Variants in MCF2L2 observed in about 807,000 individuals in gnomAD.
MCF2L2 encodes the protein MCF.2 cell line derived transforming sequence-like 2.
MCF2L2 carries 102 observed loss-of-function variants against 150.2 expected under a neutral mutation model. That is an observed-to-expected ratio of 0.68 (90% CI 0.58 to 0.80). The LOEUF is 0.80. MCF2L2 is among the 30% of genes least tolerant of loss of function. The pLI is 0.00. For missense variants in MCF2L2, 1,256 were observed against 1,372.8 expected, an observed-to-expected ratio of 0.91 and a Z score of 1.34; for synonymous variants, 465 against 491.3, an observed-to-expected ratio of 0.95 and a Z score of 0.71.
chr3:183,229,367 A>C (rs2108670194), intron 17 of MCF2L2, among the ~76,000 whole-genome samples: 1 of 152,326 alleles, frequency 6.6e-6, no homozygotes, highest in East Asian at 1.9e-4. Flanking sequence ...CTGGCACAGA[A>C]CAGGTGCTCA....
At chr3:183,272,758 A>G in intron 15 of MCF2L2, 1 of 1,079,936 alleles carries the variant, frequency 9.3e-7, no homozygotes, top group African/African-American at 1.7e-5. Context: ...TGATTGATTA[A>G]TGATGTATTG....
intron 27 of MCF2L2, among the ~76,000 whole-genome samples, chr3:183,182,243 A>T (rs1721551784): frequency 6.6e-6 from 1 of 151,962 alleles, no homozygotes; most frequent in Non-Finnish European, 1.5e-5. Context: ...CCTGTGGGGG[A>T]CTGTCAGCGC....
Position 183,206,182 on chromosome 3 carries a change from C to A in MCF2L2, c.2745G>T (p.Arg915Ser). 3 of 1,614,104 alleles carry A rather than the reference C, an allele frequency of 1.9e-6. No individual in the cohort carries two copies. Among genetic ancestry groups the A allele is most frequent in the Non-Finnish European group, 2.5e-6 (3 of 1,179,998 alleles). Residue 915 changes from arginine to serine, a missense_variant, in exon 24 of 30, where the codon AGG (arginine) becomes AGT (serine). By Grantham distance (110) the Arg-to-Ser change is moderately radical. Transcript: ENST00000328913. ...CAATCTCAAACTTTCTATGGCTCCCCCTTCCAAGCTGGCGAATTGAAAGTG... is the reference window on the plus strand; with the variant it reads ...CAATCTCAAACTTTCTATGGCTCCCACTTCCAAGCTGGCGAATTGAAAGTG... Reference protein sequence around the residue: ...LMTLSIRQLGRGSHRKFEIAS... With the variant: ...LMTLSIRQLGSGSHRKFEIAS...
intron 1 of MCF2L2, among the ~76,000 whole-genome samples, chr3:183,408,479 C>G (rs575429837): frequency 1.3e-5 from 2 of 152,320 alleles, no homozygotes; most frequent in African/African-American, 4.8e-5. Context: ...CTGGTTCTGG[C>G]CCCTAGGGAC....
chr3:183,310,733 G>A (rs1560014904), intron 9 of MCF2L2, 182 bp downstream of exon 9: 6 of 587,984 alleles, frequency 1.0e-5, no homozygotes, highest in Admixed American at 3.0e-5. Flanking sequence ...TTCTAGAACA[G>A]TTTGACTCCA....
At chr3:183,406,769 G>A (rs150215419) in intron 1 of MCF2L2, among the ~76,000 whole-genome samples, 2,809 of 152,232 alleles carry the variant, frequency 0.018, 51 homozygotes, top group Middle Eastern at 0.048. Flanking sequence ...GATTACAGGC[G>A]TGAGCCACCA....
chr3:183,389,256 A>C (rs1714009237), intron 2 of MCF2L2, among the ~76,000 whole-genome samples: 1 of 152,210 alleles, frequency 6.6e-6, no homozygotes, highest in East Asian at 1.9e-4. Context: ...GAAATCCCTT[A>C]AATGAGCTAA....
In MCF2L2 at chr3:183,307,860, A is replaced by G. The variant is rs534025765; in HGVS notation, c.1113+1856T>C. Among the ~76,000 whole-genome samples, 23 of 152,312 alleles carry G rather than the reference A, an allele frequency of 1.5e-4. No homozygotes were observed. In the East Asian group the frequency reaches 4.4e-3, roughly 29 times the overall value. On this transcript the variant is annotated intron_variant, in intron 10 of 29. Coordinates refer to ENST00000328913, the MANE Select transcript of MCF2L2 (RefSeq NM_015078.4). ...CTGTTCACTCATTTCCTCCTGGCCCACCTGCTCTAGCAATGTTCCTTGAAC... is the reference window on the plus strand; with the variant it reads ...CTGTTCACTCATTTCCTCCTGGCCCGCCTGCTCTAGCAATGTTCCTTGAAC...
chr3:183,223,010 A>C (rs1368722131), intron 20 of MCF2L2, among the ~76,000 whole-genome samples: 1 of 152,168 alleles, frequency 6.6e-6, no homozygotes, highest in Non-Finnish European at 1.5e-5. Flanking sequence ...TCCCTTCCAC[A>C]AGTTAAAATG....
chr3:183,377,176 A>G (rs1463940247), intron 3 of MCF2L2: 2 of 152,080 alleles, frequency 1.3e-5, no homozygotes, highest in African/African-American at 4.8e-5. Context: ...ATTTGTCCTA[A>G]TGCTCTCCTT....
Position 183,295,413 on chromosome 3 carries a change from A to G in MCF2L2, c.1562T>C (p.Val521Ala). Residue 521 changes from valine (V) to alanine (A), a missense_variant, in exon 13 of 30, where the codon GTG becomes GCG. Physicochemically the swap from Val to Ala is moderately conservative, Grantham distance 64. Transcript: ENST00000328913. ...TTTGGCTGCCAGTTTCATCAGACTC[A>G]CTTGCCTCTTGTGAAATATTTCCTG... ...DVQEIFHKRQ[V>A]SLMKLAAKQT... 1.2e-6 allele frequency: 2 copies of G among 1,614,112 alleles called. No homozygotes were observed. Among genetic ancestry groups the G allele is most frequent in the Non-Finnish European group, 1.7e-6 (2 of 1,179,994 alleles).
chr3:183,420,549 A>T (rs116641357), intron 1 of MCF2L2, among the ~76,000 whole-genome samples: 2,486 of 152,290 alleles, frequency 0.016, 62 homozygotes, highest in African/African-American at 0.057. Context: ...CAGTGTGCTG[A>T]AATTGCGCCA....
intron 7 of MCF2L2, among the ~76,000 whole-genome samples, chr3:183,317,722 C>G (rs905011836): frequency 6.6e-6 from 1 of 152,152 alleles, no homozygotes; most frequent in Non-Finnish European, 1.5e-5. Context: ...TGAGCAGGAT[C>G]ACGAGAGGGC....
chr3:183,261,556 T>G (rs1264127657), intron 15 of MCF2L2, among the ~76,000 whole-genome samples: 2 of 152,190 alleles, frequency 1.3e-5, no homozygotes, highest in Non-Finnish European at 1.5e-5. Flanking sequence ...ATAGTCTACT[T>G]TCTAAGCATA....
Position 183,276,949 on chromosome 3 carries a change from T to G in MCF2L2, c.1785A>C (p.Glu595Asp). ...CCCTTTCATGATGGCTTTCAAAGAT[T>G]TCTTCACTCTGAAGTGAAAGAAATT... ...DETKFEVKSEEIFESHHERGN... is the reference protein window; with the variant it reads ...DETKFEVKSEDIFESHHERGN... Residue 595 changes from glutamate to aspartate, a missense_variant, in exon 15 of 30, where the codon GAA becomes GAC. Transcript: ENST00000328913. The G allele has an allele frequency of 1.9e-6, 3 of 1,605,546 alleles. No individual in the cohort carries two copies. The highest frequency in any genetic ancestry group is 2.6e-6 in the Non-Finnish European group (3 of 1,175,074).
At chr3:183,255,397 G>A (rs1724951645) in intron 15 of MCF2L2, among the ~76,000 whole-genome samples, 1 of 152,226 alleles carries the variant, frequency 6.6e-6, no homozygotes, top group Admixed American at 6.5e-5. Context: ...TGCTTTTAAA[G>A]CAAGCTAAAC....
chr3:183,410,784 C>A (rs1379160015), intron 1 of MCF2L2, among the ~76,000 whole-genome samples: 1 of 152,196 alleles, frequency 6.6e-6, no homozygotes, highest in African/African-American at 2.4e-5. Context: ...CTGTTCACCC[C>A]AAAGCCCTCT....
At chr3:183,293,795 T>C (rs2108486888) in intron 13 of MCF2L2, among the ~76,000 whole-genome samples, 1 of 152,346 alleles carries the variant, frequency 6.6e-6, no homozygotes, top group South Asian at 2.1e-4. Flanking sequence ...TCACAGATGA[T>C]AGGATTATAT....
intron 15 of MCF2L2, among the ~76,000 whole-genome samples, chr3:183,256,013 G>GT (rs1217754786): frequency 2.0e-5 from 3 of 152,164 alleles, no homozygotes; most frequent in Non-Finnish European, 4.4e-5. Context: ...AACACAGGAG[G>GT]TATCAGGAAG....
Sources: allele counts gnomAD v4.1 joint callset (sites outside exome capture counted in the v4.1 genomes callset), GRCh38; gene constraint gnomAD v4.1.1; transcripts MANE v1.5; gene names NCBI Gene and HGNC (gene_info 2026-07-23, HGNC 2026-07-21).